The following CYB5R4 variants were observed in gnomAD, a reference collection of about 807,000 sequenced individuals.
The protein encoded by CYB5R4 is N-terminal cytochrome b5 and cytochrome b5 oxidoreductase domain-containing protein.
A neutral mutation model predicts 70.2 loss-of-function variants in CYB5R4; 55 were observed. The ratio of observed to expected loss-of-function variants is 0.78; its 90% CI spans 0.63 to 0.98. The LOEUF (loss-of-function observed/expected upper bound fraction) is 0.98. Among genes scored for constraint, CYB5R4 ranks in the 50% least tolerant of loss-of-function variants. The pLI is 0.00. For missense variants in CYB5R4, 562 were observed against 612.6 expected (o/e 0.92, Z 0.87); for synonymous variants, 197 against 199.5 (o/e 0.99, Z 0.11).
At chr6:83,902,169 T>G (rs1372551352) in intron 3 of CYB5R4, among the ~76,000 whole-genome samples, 1 of 152,214 alleles carries the variant, frequency 6.6e-6, no homozygotes, top group Non-Finnish European at 1.5e-5. Context: ...ATTTTAAGTC[T>G]TTAATCCATT....
chr6:83,920,949 C>T (rs2099466281), intron 7 of CYB5R4, 133 bp from the exon 8 acceptor site: 1 of 593,278 alleles, frequency 1.7e-6, no homozygotes, highest in African/African-American at 2.0e-5. Flanking sequence ...AAACAGAAGT[C>T]ACATTTGTTT....
At chr6:83,883,557 A>T (rs1484724577) in intron 2 of CYB5R4, among the ~76,000 whole-genome samples, 1 of 152,182 alleles carries the variant, frequency 6.6e-6, no homozygotes, top group Non-Finnish European at 1.5e-5. Context: ...CCGTAGGGAG[A>T]CAGAATTCTT....
At chr6:83,884,214 A>G (rs2099459912) in intron 2 of CYB5R4, among the ~76,000 whole-genome samples, 2 of 151,972 alleles carry the variant, frequency 1.3e-5, no homozygotes, top group African/African-American at 4.8e-5. Context: ...TTAATTATAG[A>G]TAATATAGAG....
At chr6:83,943,802 C>A (rs1283963759) in intron 14 of CYB5R4, among the ~76,000 whole-genome samples, 1 of 151,850 alleles carries the variant, frequency 6.6e-6, no homozygotes, top group Non-Finnish European at 1.5e-5. Flanking sequence ...ACGAGAACAT[C>A]ATGAAGCATA....
intron 12 of CYB5R4, among the ~76,000 whole-genome samples, chr6:83,937,072 C>T (rs1041963513): frequency 6.6e-5 from 10 of 152,090 alleles, no homozygotes; most frequent in African/African-American, 1.7e-4. Context: ...GTCGGAAGTT[C>T]GAGACCAGCC....
intron 1 of CYB5R4, among the ~76,000 whole-genome samples, chr6:83,861,224 G>A (rs1184669343): frequency 1.3e-5 from 2 of 152,190 alleles, no homozygotes; most frequent in African/African-American, 4.8e-5. Flanking sequence ...CACAGGGGGC[G>A]ATGGCAAAGG....
At position 83,961,792 on chromosome 6, in the gene CYB5R4, TTC is replaced by T. The variant is rs970912495; in HGVS notation, c.*1921_*1922del. On this transcript the variant is annotated 3_prime_UTR_variant, in exon 16 of 16. Transcript: ENST00000369681. ...TCATCTTTTCTAAGCCTCTTCTTTT[TTC>T]TCTCTCCTTTCCCAAGCAACAGAAT... The T allele has an allele frequency of 6.6e-6, 1 of 152,048 alleles. No individual in the cohort carries two copies. Among genetic ancestry groups the T allele is most frequent in the Non-Finnish European group, 1.5e-5 (1 of 67,996 alleles). The allele number at this position is 152,048 out of a possible 1,614,324, so 9.4% of individuals were successfully genotyped here. A position where few individuals can be genotyped will look rare whatever the true frequency, so the allele number is the denominator to read the frequency against.
At chr6:83,940,007 T>G in intron 12 of CYB5R4, 49 bp from the exon 13 acceptor site, 1 of 1,412,334 alleles carries the variant, frequency 7.1e-7, no homozygotes, top group Non-Finnish European at 9.6e-7. Context: ...TTTTTTGTTT[T>G]GTTTTTTGTT....
At chr6:83,895,270 G>T (rs2099461691) in intron 3 of CYB5R4, among the ~76,000 whole-genome samples, 2 of 152,006 alleles carry the variant, frequency 1.3e-5, no homozygotes, top group Non-Finnish European at 2.9e-5. Context: ...GGTTCAAGCA[G>T]TTCTTGTGCC....
At chr6:83,870,659 A>C (rs939228678) in intron 2 of CYB5R4, among the ~76,000 whole-genome samples, 1 of 152,030 alleles carries the variant, frequency 6.6e-6, no homozygotes, top group African/African-American at 2.4e-5. Context: ...TAGTTCAACC[A>C]TTCTGTAGTT....
In CYB5R4 at chr6:83,949,114, C is replaced by CT. The variant is rs35294668; in HGVS notation, c.1347-6167dup. On this transcript the variant is annotated intron_variant, in intron 14 of 15. Transcript: ENST00000369681. ...CCCCATAGACTCCTGGCGTTTTGGG[C>CT]TTTTTTTTTTTTTTTTTAGTGAGGT... 9.7e-3 allele frequency among the ~76,000 whole-genome samples: 1,223 copies of CT among 125,820 alleles called. 13 individuals are homozygous for CT. Among genetic ancestry groups the CT allele is most frequent in the Middle Eastern group, 0.028 (6 of 216 alleles). 82.5% of individuals were successfully genotyped at this position (125,820 alleles called of 152,430 possible).
chr6:83,922,536 T>A, intron 9 of CYB5R4, 66 bp downstream of exon 9: 2 of 1,121,620 alleles, frequency 1.8e-6, no homozygotes, highest in Admixed American at 4.4e-5. Context: ...GAGAGAGAGA[T>A]ACGAAAAAAT....
At chr6:83,945,322 C>T (rs2099470405) in intron 14 of CYB5R4, among the ~76,000 whole-genome samples, 1 of 152,194 alleles carries the variant, frequency 6.6e-6, no homozygotes, top group African/African-American at 2.4e-5. Context: ...TGAATGACTA[C>T]TGCAGAAATA....
chr6:83,937,576 G>A (rs1377047444), intron 12 of CYB5R4, among the ~76,000 whole-genome samples: 2 of 152,152 alleles, frequency 1.3e-5, no homozygotes, highest in Non-Finnish European at 2.9e-5. Flanking sequence ...CTGGAGTGCA[G>A]TGGCTCGATC....
chr6:83,946,692 C>T (rs2099470673), intron 14 of CYB5R4, among the ~76,000 whole-genome samples: 1 of 152,212 alleles, frequency 6.6e-6, no homozygotes, highest in Non-Finnish European at 1.5e-5. Context: ...AGCCCAAAAA[C>T]TCTTTAAGCT....
At chr6:83,944,895 TGCACCCAATACAGGA>T (rs1003167067) in intron 14 of CYB5R4, among the ~76,000 whole-genome samples, 3 of 152,318 alleles carry the variant, frequency 2.0e-5, no homozygotes, top group African/African-American at 7.2e-5. Context: ...TAAATATATA[TGCACCCAATACAGGA>T]GCACCCAGAT....
chr6:83,859,882 C>T (rs779781864), intron 1 of CYB5R4, 25 bp downstream of exon 1: 8 of 1,596,178 alleles, frequency 5.0e-6, no homozygotes, highest in South Asian at 4.5e-5. Context: ...CCGTGAGTCT[C>T]TCCCCTCGCT....
chr6:83,870,628 A>G (rs989582077), intron 2 of CYB5R4, among the ~76,000 whole-genome samples: 2 of 151,984 alleles, frequency 1.3e-5, no homozygotes, highest in Non-Finnish European at 1.5e-5. Flanking sequence ...TATCTAAATA[A>G]TAATATATTA....
rs750438129 is a variant in CYB5R4 at position 83,921,083 on chromosome 6, A to G, written c.566A>G (p.Asp189Gly). 2.0e-6 allele frequency: 3 copies of G among 1,493,906 alleles called. No homozygotes were observed. Among genetic ancestry groups the G allele is most frequent in the Admixed American group, 4.6e-5 (2 of 43,180 alleles). The allele number at this position is 1,493,906 out of a possible 1,614,324, so 92.5% of individuals were successfully genotyped here. ...TTCTATTTTTGCTTTCTCTTTAAGG[A>G]TATCAATTTAGACTCAATAATAGTT... Reference protein sequence around the residue: ...VTIAIYTKQKDINLDSIIVDH... With the variant: ...VTIAIYTKQKGINLDSIIVDH... The change falls in exon 8 of 16, where the codon GAT becomes GGT. Residue 189 changes from aspartate to glycine, a missense_variant and splice_region_variant. Physicochemically the swap from Asp to Gly is moderately conservative, Grantham distance 94. Coordinates refer to ENST00000369681, the MANE Select transcript of CYB5R4 (RefSeq NM_016230.4).
Sources: gnomAD v4.1 joint callset for allele counts (sites outside exome capture counted in the v4.1 genomes callset) on GRCh38, gnomAD v4.1.1 for gene constraint, MANE v1.5 for transcripts, NCBI Gene and HGNC (gene_info 2026-07-23, HGNC 2026-07-21) for gene names.